The following PDIA6 variants were observed in gnomAD, a reference collection of about 807,000 sequenced individuals.
The protein encoded by PDIA6 is protein disulfide-isomerase A6.
PDIA6 carries 29 observed loss-of-function variants against 58.4 expected under a neutral mutation model. That is an observed-to-expected ratio of 0.50 (90% CI 0.37 to 0.68). PDIA6 has a LOEUF of 0.68. PDIA6 is among the 30% of genes least tolerant of loss of function. PDIA6 has a pLI of 0.00. For synonymous variants in PDIA6, 192 were observed against 202.6 expected (o/e 0.95, Z 0.44); for missense variants, 480 against 551.0 (o/e 0.87, Z 1.29).
chr2:10,802,189 C>G (rs1446231099), intron 2 of PDIA6, among the ~76,000 whole-genome samples: 1 of 152,196 alleles, frequency 6.6e-6, no homozygotes, highest in Non-Finnish European at 1.5e-5. Context: ...GATTTTCTAA[C>G]TACATTTTTT....
chr2:10,830,033 C>T (rs1686485), intron 1 of PDIA6, among the ~76,000 whole-genome samples: 122,913 of 152,090 alleles, frequency 0.81, 50,033 homozygotes, highest in South Asian at 0.93. Context: ...CTCTGCCCCC[C>T]ACTACCTTGG....
At chr2:10,797,248 A>G in intron 3 of PDIA6, 41 bp from the exon 4 acceptor site, 2 of 1,591,324 alleles carry the variant, frequency 1.3e-6, no homozygotes, top group Non-Finnish European at 1.7e-6. Flanking sequence ...TCCTTCCGCT[A>G]AAGCAGACTC....
chr2:10,790,351 A>G (rs1196599378), intron 7 of PDIA6, among the ~76,000 whole-genome samples: 1 of 152,170 alleles, frequency 6.6e-6, no homozygotes, highest in Admixed American at 6.6e-5. Flanking sequence ...TCAATTATCA[A>G]TCAGGGAGTT....
intron 1 of PDIA6, among the ~76,000 whole-genome samples, chr2:10,810,694 C>T (rs1007014946): frequency 1.3e-5 from 2 of 152,000 alleles, no homozygotes; most frequent in Non-Finnish European, 2.9e-5. Context: ...TACAAGGAAA[C>T]CTAACATACT....
chr2:10,791,820 C>A lies in PDIA6; in HGVS notation c.559G>T (p.Ala187Ser). 6.2e-7 allele frequency: 1 copy of A among 1,614,032 alleles called. No individual in the cohort carries two copies. The highest frequency in any genetic ancestry group is 1.3e-5 in the African/African-American group (1 of 75,032). ...SEDVWMVEFY[A>S]PWCGHCKNLE... ...TTTTTGCAGTGTCCACACCAAGGAG[C>A]ATAGAACTCAACCATCCAAACATCT... The change falls in exon 6 of 13, where the codon GCT (alanine) becomes TCT (serine). Residue 187 changes from alanine (A) to serine (S), a missense_variant. By Grantham distance (99) the Ala-to-Ser change is moderately conservative (BLOSUM62 1). Transcript: ENST00000272227.
At chr2:10,812,542 C>G (rs1177376437) in intron 1 of PDIA6, 136 bp downstream of exon 1, 3 of 886,998 alleles carry the variant, frequency 3.4e-6, no homozygotes, top group Non-Finnish European at 4.6e-6. Flanking sequence ...CTCCGGACGC[C>G]GAGGCCCGCG....
chr2:10,812,687 G>C lies in PDIA6; in HGVS notation c.10C>G (p.Leu4Val). The part of the protein sequence containing the change: MAL[L>V]VLGLVSCTFF... ...GCTGGCCCGCACCTACCGAGCACCA[G>C]GAGAGCCATGCCGAGCGCCGGGCTA... The change falls in exon 1 of 13, where the codon CTG (leucine) becomes GTG (valine). Residue 4 changes from leucine to valine, a missense_variant. By Grantham distance (32) the Leu-to-Val change is conservative. Coordinates refer to ENST00000272227, the MANE Select transcript of PDIA6 (RefSeq NM_005742.4). 3 of 1,534,250 alleles carry C rather than the reference G, an allele frequency of 2.0e-6. No homozygotes were observed. Among genetic ancestry groups the C allele is most frequent in the Non-Finnish European group, 2.6e-6 (3 of 1,143,014 alleles).
intron 11 of PDIA6, 200 bp from the exon 12 acceptor site, chr2:10,785,230 A>AT (rs1357753155): frequency 9.4e-6 from 5 of 530,410 alleles, no homozygotes; most frequent in Middle Eastern, 4.0e-4. Flanking sequence ...CAGATTCAAC[A>AT]TTCCCAACTA....
chr2:10,821,006 G>A, intron 1 of PDIA6: 1 of 586,512 alleles, frequency 1.7e-6, no homozygotes, highest in Admixed American at 2.8e-5. Flanking sequence ...CCAGGACGAA[G>A]GGGAGGGGGG....
At chr2:10,825,068 A>G (rs919871332) in intron 1 of PDIA6, among the ~76,000 whole-genome samples, 1 of 152,192 alleles carries the variant, frequency 6.6e-6, no homozygotes, top group African/African-American at 2.4e-5. Flanking sequence ...TGAAAAGGCC[A>G]GGCTGGCCTA....
intron 1 of PDIA6, chr2:10,810,543 G>T: frequency 1.2e-6 from 1 of 824,552 alleles, no homozygotes; most frequent in Non-Finnish European, 1.6e-6. Flanking sequence ...TAGTAATGGT[G>T]AGGGACCTTT....
At chr2:10,816,733 A>G (rs554401955), upstream of PDIA6, among the ~76,000 whole-genome samples, 55 of 152,190 alleles carry the variant, frequency 3.6e-4, no homozygotes, top group African/African-American at 1.1e-3. Flanking sequence ...TTGCTTCCCA[A>G]GATCAGAAGG....
chr2:10,821,032 A>G, intron 1 of PDIA6: 1 of 547,996 alleles, frequency 1.8e-6, no homozygotes, highest in Non-Finnish European at 3.3e-6. Context: ...TCTACCTCCC[A>G]GTGAGGAGAT....
intron 1 of PDIA6, among the ~76,000 whole-genome samples, chr2:10,828,019 C>A (rs1667597709): frequency 6.7e-6 from 1 of 149,766 alleles, no homozygotes; most frequent in Non-Finnish European, 1.5e-5. Context: ...AAAACCCCTC[C>A]CCCTGCCACA....
rs1405651513 is a variant in PDIA6, at chr2:10,818,534, A to ATT, written c.34+738_34+739dup. ...TATTTATTTATTTATTTATTTATTT[A>ATT]TTTTGAGATGGAGTTTTGCTCTTGT... is the stretch of plus-strand genomic sequence containing the variant. On this transcript the variant is annotated intron_variant, in intron 2 of 13. Transcript: ENST00000381611. Among the ~76,000 whole-genome samples the ATT allele has an allele frequency of 3.8e-3, 311 of 81,046 alleles. 4 individuals are homozygous for ATT. The highest frequency in any genetic ancestry group is 0.014 in the African/African-American group (295 of 21,258). The allele number at this position is 81,046 out of a possible 152,430, so 53.2% of individuals were successfully genotyped here. A position where few individuals can be genotyped will look rare whatever the true frequency, so the allele number is the denominator to read the frequency against.
intron 8 of PDIA6, 114 bp from the exon 9 acceptor site, chr2:10,789,095 C>T (rs1330129859): frequency 9.3e-6 from 7 of 755,984 alleles, no homozygotes; most frequent in Admixed American, 3.9e-5. Context: ...ATTTCTCCCA[C>T]GACTACTTCC....
At chr2:10,810,488 C>T (rs1666958209) in intron 1 of PDIA6, 3 of 1,301,674 alleles carry the variant, frequency 2.3e-6, no homozygotes, top group African/African-American at 3.0e-5. Flanking sequence ...TATAAAGACG[C>T]TCTTTACTGA....
At position 10,797,200 on chromosome 2, in the gene PDIA6, A is replaced by G; in HGVS notation, c.227T>C (p.Val76Ala). 4 of 1,608,552 alleles carry G rather than the reference A, an allele frequency of 2.5e-6. No individual in the cohort carries two copies. In the Middle Eastern group the frequency reaches 5.0e-4, roughly 199 times the overall value. ...ATCTGCATCAACTGCACCAACTTTGACAACATCCTGTGGAAATGTAAAAGA... is the reference window on the plus strand; with the variant it reads ...ATCTGCATCAACTGCACCAACTTTGGCAACATCCTGTGGAAATGTAAAAGA... The part of the protein sequence containing the change: ...KKAATALKDV[V>A]KVGAVDADKH... The change falls in exon 4 of 13, where the codon GTC (valine) becomes GCC (alanine). Residue 76 changes from valine to alanine, a missense_variant. Physicochemically the swap from Val to Ala is moderately conservative, Grantham distance 64. Transcript: ENST00000272227.
chr2:10,820,343 A>G (rs1053461488), intron 1 of PDIA6, among the ~76,000 whole-genome samples: 3 of 152,198 alleles, frequency 2.0e-5, no homozygotes, highest in African/African-American at 7.2e-5. Context: ...TCATTTGTAT[A>G]AGGTGTACAT....
Sources: allele counts gnomAD v4.1 joint callset (sites outside exome capture counted in the v4.1 genomes callset), GRCh38; gene constraint gnomAD v4.1.1; transcripts MANE v1.5; gene names NCBI Gene and HGNC (gene_info 2026-07-23, HGNC 2026-07-21).